The following ARID1B variants were observed in gnomAD, a reference collection of about 807,000 sequenced individuals.
ARID1B encodes AT-rich interaction domain 1B.
In ARID1B, 30 loss-of-function variants were observed where a neutral mutation model predicts 212.3. The observed-to-expected ratio is 0.14, with a 90% CI of 0.11 to 0.19. The LOEUF (loss-of-function observed/expected upper bound fraction) is 0.19. Ranked by LOEUF, ARID1B falls within the 10% of genes least tolerant of loss-of-function variation. The pLI, the probability that ARID1B is intolerant of heterozygous loss-of-function variation, is 1.00. For missense variants in ARID1B, 2,891 were observed against 3,204.0 expected (o/e 0.90, Z 2.36); for synonymous variants, 1,402 against 1,301.7 (o/e 1.08, Z -1.66).
intron 3 of ARID1B, among the ~76,000 whole-genome samples, chr6:156,920,430 T>TAA (rs1225487008): frequency 6.6e-6 from 1 of 152,380 alleles, no homozygotes; most frequent in Non-Finnish European, 1.5e-5. Flanking sequence ...CATTTGTCTT[T>TAA]AACATGCTCA....
At chr6:157,071,447 G>A (rs1162556334) in intron 4 of ARID1B, 1 of 152,026 alleles carries the variant, frequency 6.6e-6, no homozygotes, top group Non-Finnish European at 1.5e-5. Flanking sequence ...AATGAAACAG[G>A]AACTTTAAAA....
intron 4 of ARID1B, among the ~76,000 whole-genome samples, chr6:156,988,746 T>G (rs781664959): frequency 6.6e-5 from 10 of 152,176 alleles, no homozygotes; most frequent in Non-Finnish European, 1.3e-4. Context: ...CCGACACACT[T>G]CAGCATGTTG....
chr6:157,010,916 T>G (rs976165335), intron 4 of ARID1B, among the ~76,000 whole-genome samples: 2 of 152,220 alleles, frequency 1.3e-5, no homozygotes, highest in Non-Finnish European at 2.9e-5. Flanking sequence ...AATTATTAGT[T>G]TAACTTTTTA....
intron 5 of ARID1B, among the ~76,000 whole-genome samples, chr6:157,110,047 A>G (rs970678741): frequency 2.6e-5 from 4 of 152,184 alleles, no homozygotes; most frequent in African/African-American, 9.7e-5. Flanking sequence ...TTAGAAGTCT[A>G]TTGATATTAC....
intron 3 of ARID1B, among the ~76,000 whole-genome samples, chr6:156,929,717 A>G (rs1791541270): frequency 6.6e-6 from 1 of 152,182 alleles, no homozygotes; most frequent in Admixed American, 6.5e-5. Context: ...CTTATTCCAG[A>G]TCCAGACACC....
chr6:156,957,018 G>A (rs1487778568), intron 4 of ARID1B, among the ~76,000 whole-genome samples: 1 of 152,208 alleles, frequency 6.6e-6, no homozygotes, highest in East Asian at 1.9e-4. Context: ...TTCTTGGCAT[G>A]TAAGTTATTG....
At chr6:156,894,596 A>G (rs950696428) in intron 2 of ARID1B, among the ~76,000 whole-genome samples, 7 of 152,218 alleles carry the variant, frequency 4.6e-5, no homozygotes, top group Non-Finnish European at 1.0e-4. Context: ...AGTTTTCACC[A>G]CACTTGAATA....
intron 6 of ARID1B, among the ~76,000 whole-genome samples, chr6:157,131,157 G>T (rs140198517): frequency 6.6e-6 from 1 of 152,100 alleles, no homozygotes; most frequent in Non-Finnish European, 1.5e-5. Flanking sequence ...TCTGTTGGCC[G>T]CATGAAGAAT....
chr6:156,979,913 C>T (rs971498203), intron 4 of ARID1B, among the ~76,000 whole-genome samples: 4 of 150,748 alleles, frequency 2.7e-5, no homozygotes, highest in Non-Finnish European at 1.5e-5. Context: ...CACTCTTTTA[C>T]CCAGGCTGGA....
intron 3 of ARID1B, among the ~76,000 whole-genome samples, chr6:156,924,443 C>G (rs1234066659): frequency 6.6e-6 from 1 of 152,118 alleles, no homozygotes; most frequent in African/African-American, 2.4e-5. Context: ...GCCTTGGGGC[C>G]ATTATGAAGT....
At chr6:156,908,952 G>C (rs7771513) in intron 3 of ARID1B, among the ~76,000 whole-genome samples, 10,933 of 151,972 alleles carry the variant, frequency 0.072, 1,318 homozygotes, top group African/African-American at 0.25. Context: ...ATGCCCTCAC[G>C]TAGTTTTAAT....
At chr6:157,010,272 T>C (rs1370377723) in intron 4 of ARID1B, among the ~76,000 whole-genome samples, 1 of 132,330 alleles carries the variant, frequency 7.6e-6, no homozygotes, top group Non-Finnish European at 1.6e-5. Context: ...CATTTATGCA[T>C]TGCCTGTTTT....
At chr6:156,935,633 G>A (rs1381278059) in intron 4 of ARID1B, 57 bp downstream of exon 4, 2 of 1,442,628 alleles carry the variant, frequency 1.4e-6, no homozygotes, top group African/African-American at 1.4e-5. Flanking sequence ...TTTAGAAAGA[G>A]CTGTTGTTTT....
chr6:156,784,084 A>G (rs981019420), intron 1 of ARID1B, among the ~76,000 whole-genome samples: 2 of 152,058 alleles, frequency 1.3e-5, no homozygotes, highest in African/African-American at 4.8e-5. Context: ...TTTTTATGAC[A>G]TTTTACACTG....
At chr6:156,841,142 G>T (rs1312542490) in intron 2 of ARID1B, among the ~76,000 whole-genome samples, 1 of 152,212 alleles carries the variant, frequency 6.6e-6, no homozygotes, top group East Asian at 1.9e-4. Flanking sequence ...AGCCTCTGTA[G>T]TGAGAGCACA....
chr6:156,970,006 A>G (rs903075303), intron 4 of ARID1B, among the ~76,000 whole-genome samples: 6 of 151,812 alleles, frequency 4.0e-5, no homozygotes, highest in Admixed American at 3.3e-4. Context: ...GAACTGTAGA[A>G]TGTAGAATTT....
intron 4 of ARID1B, among the ~76,000 whole-genome samples, chr6:157,030,719 G>A (rs773806433): frequency 7.2e-4 from 110 of 152,234 alleles, no homozygotes; most frequent in Non-Finnish European, 3.4e-4. Flanking sequence ...GCGGTGAAAA[G>A]TGTAATTATG....
chr6:157,162,829 A>G (rs1365654103), intron 8 of ARID1B, among the ~76,000 whole-genome samples: 1 of 152,076 alleles, frequency 6.6e-6, no homozygotes, highest in Non-Finnish European at 1.5e-5. Flanking sequence ...GTGTGCATCT[A>G]CCGAATTATT....
At chr6:157,168,987 G>A (rs1454814366) in intron 9 of ARID1B, 2 of 152,154 alleles carry the variant, frequency 1.3e-5, no homozygotes, top group Non-Finnish European at 2.9e-5. Flanking sequence ...ATTTCACATT[G>A]GCTGTGCACC....
Sources: allele counts gnomAD v4.1 joint callset (sites outside exome capture counted in the v4.1 genomes callset), GRCh38; gene constraint gnomAD v4.1.1; transcripts MANE v1.5; gene names NCBI Gene and HGNC (gene_info 2026-07-23, HGNC 2026-07-21).